Variants in PKIB observed in about 807,000 individuals in gnomAD.
PKIB encodes the protein PKI-beta.
In PKIB, 2 loss-of-function variants were observed where a neutral mutation model predicts 4.5. The ratio of observed to expected loss-of-function variants is 0.44; its 90% CI spans 0.18 to 1.39. The LOEUF is 1.39. Ranked by LOEUF, PKIB falls within the 40% of genes most tolerant of loss-of-function variation. PKIB has a pLI of 0.27. For missense variants in PKIB, 94 were observed against 92.6 expected, an observed-to-expected ratio of 1.02 and a Z score of -0.06; for synonymous variants, 38 against 36.0, an observed-to-expected ratio of 1.06 and a Z score of -0.20.
At chr6:122,665,953 G>A (rs979517800) in intron 2 of PKIB, among the ~76,000 whole-genome samples, 1 of 152,112 alleles carries the variant, frequency 6.6e-6, no homozygotes, top group African/African-American at 2.4e-5. Flanking sequence ...TATGTGTTAG[G>A]AATTACACTA....
intron 3 of PKIB, chr6:122,701,302 A>G: frequency 1.5e-6 from 1 of 657,688 alleles, no homozygotes; most frequent in Non-Finnish European, 2.6e-6. Flanking sequence ...ATTACAAGCA[A>G]TGTCTGTATT....
At chr6:122,634,288 C>T (rs184370689) in intron 2 of PKIB, among the ~76,000 whole-genome samples, 1 of 151,990 alleles carries the variant, frequency 6.6e-6, no homozygotes, top group East Asian at 1.9e-4. Context: ...AGCAAACCAC[C>T]ATGGCACGTG....
chr6:122,670,073 A>G (rs1217201824), intron 2 of PKIB, among the ~76,000 whole-genome samples: 1 of 151,714 alleles, frequency 6.6e-6, no homozygotes, highest in Non-Finnish European at 1.5e-5. Flanking sequence ...TGTCCACCTC[A>G]TGAAGCATGA....
chr6:122,613,959 CAAAAAAAAAAAAAAAAAAA>C (rs67112737), intron 1 of PKIB, among the ~76,000 whole-genome samples: 2 of 77,402 alleles, frequency 2.6e-5, no homozygotes, highest in African/African-American at 1.2e-4. Flanking sequence ...GAGACTCCAT[CAAAAAAAAAAAAAAAAAAA>C]AAGAATTACA....
intron 2 of PKIB, among the ~76,000 whole-genome samples, chr6:122,578,444 A>T (rs1773611643): frequency 6.6e-6 from 1 of 152,032 alleles, no homozygotes; most frequent in African/African-American, 2.4e-5. Context: ...TGCAAAACTA[A>T]TTTTCCTCTG....
intron 3 of PKIB, among the ~76,000 whole-genome samples, chr6:122,677,468 C>T (rs1206014346): frequency 6.6e-6 from 1 of 152,134 alleles, no homozygotes; most frequent in Non-Finnish European, 1.5e-5. Flanking sequence ...GGGTTGTAGT[C>T]AGACTTGTGT....
At chr6:122,472,843 G>C (rs1456234922) in intron 1 of PKIB, among the ~76,000 whole-genome samples, 1 of 152,074 alleles carries the variant, frequency 6.6e-6, no homozygotes, top group Non-Finnish European at 1.5e-5. Flanking sequence ...TTAAAGAATT[G>C]TGGAAATGCT....
chr6:122,471,982 C>CT, exon 1 of PKIB: 1 of 942,028 alleles, frequency 1.1e-6, no homozygotes, highest in East Asian at 2.9e-5. Flanking sequence ...TCAAGGACTG[C>CT]TGGCTGGAAA....
At position 122,674,771 on chromosome 6, in the gene PKIB, TG is replaced by T. The variant is rs141468616; in HGVS notation, c.-75-306del. ...ACAAATATTTCCTGTAATGATCAGTTGTTTTTACACGATGATTTCTCAACCT... is the reference window on the plus strand; with the variant it reads ...ACAAATATTTCCTGTAATGATCAGTTTTTTTACACGATGATTTCTCAACCT... On this transcript the variant is annotated intron_variant, in intron 2 of 4. Coordinates refer to ENST00000368452, the MANE Select transcript of PKIB (RefSeq NM_181795.3). 3.4e-4 allele frequency among the ~76,000 whole-genome samples: 52 copies of T among 152,326 alleles called. No individual in the cohort carries two copies. The East Asian group carries it at 9.3e-3, about 27-fold the overall frequency.
At chr6:122,657,697 G>C (rs1776827642) in intron 2 of PKIB, among the ~76,000 whole-genome samples, 1 of 152,142 alleles carries the variant, frequency 6.6e-6, no homozygotes, top group African/African-American at 2.4e-5. Context: ...AGAAAACTCT[G>C]TTGATATTTG....
At chr6:122,624,933 C>T (rs1775376642) in intron 1 of PKIB, among the ~76,000 whole-genome samples, 1 of 152,174 alleles carries the variant, frequency 6.6e-6, no homozygotes, top group Admixed American at 6.5e-5. Flanking sequence ...TCCTTTTCCT[C>T]CTGACAGTAG....
intron 2 of PKIB, among the ~76,000 whole-genome samples, chr6:122,576,376 A>G (rs1215883342): frequency 6.6e-6 from 1 of 151,032 alleles, no homozygotes; most frequent in Non-Finnish European, 1.5e-5. Flanking sequence ...TACACTTAAA[A>G]TATATATTTT....
intron 4 of PKIB, among the ~76,000 whole-genome samples, chr6:122,719,201 T>C (rs1407350908): frequency 1.3e-5 from 2 of 152,118 alleles, no homozygotes; most frequent in African/African-American, 4.8e-5. Context: ...ACCTTAATGT[T>C]TACTGACATT....
chr6:122,557,239 A>T (rs1772872037), intron 2 of PKIB, among the ~76,000 whole-genome samples: 1 of 152,172 alleles, frequency 6.6e-6, no homozygotes, highest in South Asian at 2.1e-4. Flanking sequence ...GCTCAAGCAG[A>T]TCTTCAAGGT....
Position 122,708,068 on chromosome 6 carries a change from C to T in PKIB, c.-8-9719C>T, listed in dbSNP as rs113846014. On this transcript the variant is annotated intron_variant, in intron 3 of 4. Coordinates refer to ENST00000368452, the MANE Select transcript of PKIB (RefSeq NM_181795.3). ...TCCTATGAATACATCAATGAAACAA[C>T]CTACAAAAACAAAAGCTCTGCTTTG... Among the ~76,000 whole-genome samples the T allele has an allele frequency of 9.3e-3, 1,417 of 152,180 alleles. 6 individuals carry two copies. The highest frequency in any genetic ancestry group is 0.017 in the Middle Eastern group (5 of 294).
At chr6:122,506,622 G>A (rs897376279) in intron 2 of PKIB, among the ~76,000 whole-genome samples, 4 of 151,340 alleles carry the variant, frequency 2.6e-5, no homozygotes, top group African/African-American at 9.7e-5. Context: ...AACTGTAAAG[G>A]TCCCCTTAGG....
rs570158465 is a variant in PKIB at position 122,665,291 on chromosome 6, G to T, written c.-75-9787G>T. On this transcript the variant is annotated intron_variant, in intron 2 of 4. Transcript: ENST00000368452. ...TTTGGCCAGTTTATTTTGAGAGATT[G>T]TTCTTGCAGATAATGCTTAAGAGTC... Among the ~76,000 whole-genome samples, 4 of 152,260 alleles carry T rather than the reference G, an allele frequency of 2.6e-5. 1 individual carries two copies. In the South Asian group the frequency reaches 6.2e-4, roughly 24 times the overall value.
Position 122,712,328 on chromosome 6 carries a change from G to A in PKIB, c.-8-5459G>A, listed in dbSNP as rs182354913. ...AGAGATGACTGAATGAATAAATAAT[G>A]ATCTGTTTTTGTTGGCACATAAAGA... On this transcript the variant is annotated intron_variant, in intron 3 of 4. Coordinates refer to ENST00000368452, the MANE Select transcript of PKIB (RefSeq NM_181795.3). Among the ~76,000 whole-genome samples the A allele has an allele frequency of 7.9e-5, 12 of 152,230 alleles. No homozygotes were observed. In the East Asian group the frequency reaches 2.1e-3, roughly 27 times the overall value.
chr6:122,478,922 G>C (rs115688066), intron 2 of PKIB: 1 of 152,188 alleles, frequency 6.6e-6, no homozygotes, highest in South Asian at 2.1e-4. Context: ...TGTGAAGACC[G>C]TGGGAAAAGC....
Sources: gnomAD v4.1 joint callset for allele counts (sites outside exome capture counted in the v4.1 genomes callset) on GRCh38, gnomAD v4.1.1 for gene constraint, MANE v1.5 for transcripts, NCBI Gene and HGNC (gene_info 2026-07-23, HGNC 2026-07-21) for gene names.